Variants in DNAJC1 observed in about 807,000 individuals in gnomAD.
The protein encoded by DNAJC1 is DnaJ heat shock protein family (Hsp40) member C1.
In DNAJC1, 58 loss-of-function variants were observed where a neutral mutation model predicts 76.6. That is an observed-to-expected ratio of 0.76 (90% CI 0.61 to 0.94). The LOEUF is 0.94. Ranked by LOEUF, DNAJC1 falls within the 40% of genes least tolerant of loss-of-function variation. The pLI is 0.00. For missense variants in DNAJC1, 689 were observed against 677.3 expected, an observed-to-expected ratio of 1.02 and a Z score of -0.19; for synonymous variants, 258 against 267.9, an observed-to-expected ratio of 0.96 and a Z score of 0.36.
At chr10:21,762,351 T>C (rs1223825036) in intron 10 of DNAJC1, among the ~76,000 whole-genome samples, 2 of 152,034 alleles carry the variant, frequency 1.3e-5, no homozygotes, top group African/African-American at 4.8e-5. Flanking sequence ...TTAAAAACAA[T>C]GAGATTGAAA....
At chr10:21,875,891 C>T (rs1836180113) in intron 8 of DNAJC1, among the ~76,000 whole-genome samples, 1 of 152,168 alleles carries the variant, frequency 6.6e-6, no homozygotes, top group Admixed American at 6.5e-5. Context: ...TGCTGTTGCA[C>T]TTCAGCCTGG....
intron 1 of DNAJC1, among the ~76,000 whole-genome samples, chr10:21,950,431 T>TG (rs1421075544): frequency 6.6e-6 from 1 of 152,162 alleles, no homozygotes; most frequent in Non-Finnish European, 1.5e-5. Flanking sequence ...GACGACCAGC[T>TG]GTACCCCCAT....
rs141023287 is a variant in DNAJC1 at position 21,785,763 on chromosome 10, A to C, written c.1099-19454T>G. On this transcript the variant is annotated intron_variant, in intron 9 of 11. Transcript: ENST00000376980. The stretch of plus-strand genomic sequence containing the variant: ...CCCAGGTTGAGGGTTAATCTGGAAG[A>C]GAGAAAGTGACAGGAAATGGAAGGC... Among the ~76,000 whole-genome samples, 4 of 152,256 alleles carry C rather than the reference A, an allele frequency of 2.6e-5. No individual in the cohort carries two copies. The East Asian group carries it at 7.7e-4, about 29-fold the overall frequency.
chr10:21,856,110 A>T (rs1411904208), intron 8 of DNAJC1, among the ~76,000 whole-genome samples: 1 of 152,188 alleles, frequency 6.6e-6, no homozygotes, highest in African/African-American at 2.4e-5. Flanking sequence ...AATTTTATAC[A>T]TTCTCCTGAA....
At chr10:21,921,690 C>G (rs980683186) in intron 3 of DNAJC1, among the ~76,000 whole-genome samples, 1 of 151,994 alleles carries the variant, frequency 6.6e-6, no homozygotes, top group African/African-American at 2.4e-5. Context: ...AGAACATTAA[C>G]AAGTAAAAGC....
At chr10:21,779,444 C>T (rs1033230391) in intron 9 of DNAJC1, among the ~76,000 whole-genome samples, 7 of 152,132 alleles carry the variant, frequency 4.6e-5, no homozygotes, top group South Asian at 2.1e-4. Context: ...CTGCAATATC[C>T]GCTGTTCTGC....
At chr10:21,760,917 C>T (rs568647046) in intron 10 of DNAJC1, among the ~76,000 whole-genome samples, 27 of 152,218 alleles carry the variant, frequency 1.8e-4, no homozygotes, top group Middle Eastern at 3.2e-3. Flanking sequence ...GTGGCTCAAG[C>T]GTGTAATTCC....
At chr10:21,965,403 A>G (rs1837875594) in intron 1 of DNAJC1, among the ~76,000 whole-genome samples, 1 of 152,052 alleles carries the variant, frequency 6.6e-6, no homozygotes, top group Non-Finnish European at 1.5e-5. Context: ...AAACCAGGAA[A>G]CTCACATTGA....
chr10:21,818,727 TAAAG>T (rs1379545436), intron 8 of DNAJC1, among the ~76,000 whole-genome samples: 8 of 152,242 alleles, frequency 5.3e-5, no homozygotes, highest in East Asian at 1.9e-4. Flanking sequence ...GGTTCCCCGA[TAAAG>T]AAAGAAATGA....
intron 1 of DNAJC1, among the ~76,000 whole-genome samples, chr10:21,978,568 C>T (rs1838101260): frequency 6.6e-6 from 1 of 152,064 alleles, no homozygotes; most frequent in Non-Finnish European, 1.5e-5. Context: ...TTTTGTCTTC[C>T]AATACTATCA....
At chr10:21,995,949 T>C (rs10082414) in intron 1 of DNAJC1, among the ~76,000 whole-genome samples, 10,184 of 152,266 alleles carry the variant, frequency 0.067, 1,099 homozygotes, top group African/African-American at 0.23. Flanking sequence ...AAATATCAAC[T>C]ATTCAGTTCT....
intron 6 of DNAJC1, among the ~76,000 whole-genome samples, chr10:21,910,263 C>T (rs1368599357): frequency 6.6e-6 from 1 of 151,902 alleles, no homozygotes; most frequent in Non-Finnish European, 1.5e-5. Flanking sequence ...CTACAGGTGC[C>T]TGCCACCACA....
At chr10:21,764,633 TTTATGGC>T (rs1350408806) in intron 10 of DNAJC1, among the ~76,000 whole-genome samples, 1 of 152,220 alleles carries the variant, frequency 6.6e-6, no homozygotes, top group African/African-American at 2.4e-5. Flanking sequence ...GAAGCACAGC[TTTATGGC>T]TTAAATGGAT....
At chr10:21,927,714 T>TGTGC (rs921844212) in intron 3 of DNAJC1, among the ~76,000 whole-genome samples, 1 of 152,228 alleles carries the variant, frequency 6.6e-6, no homozygotes, top group African/African-American at 2.4e-5. Context: ...TGTGTGTGTG[T>TGTGC]GTGCGTATGT....
chr10:21,888,463 T>C (rs1467722597), intron 7 of DNAJC1, among the ~76,000 whole-genome samples: 2 of 152,090 alleles, frequency 1.3e-5, no homozygotes, highest in Non-Finnish European at 2.9e-5. Flanking sequence ...CTATTCACAA[T>C]AGCAAAGACA....
At chr10:21,799,581 G>A (rs1834789649) in intron 9 of DNAJC1, among the ~76,000 whole-genome samples, 1 of 152,112 alleles carries the variant, frequency 6.6e-6, no homozygotes, top group South Asian at 2.1e-4. Context: ...GGGATTACAG[G>A]CATTAGTTGC....
rs187395642 is a variant in DNAJC1 at position 21,986,695 on chromosome 10, T to G, written c.222+16518A>C. On this transcript the variant is annotated intron_variant, in intron 1 of 11. Transcript: ENST00000376980. ...CATTCCTGGGATAAATTCCACTTGA[T>G]CATGGTGTTTAATCCATTTTATATG... 3.7e-3 allele frequency among the ~76,000 whole-genome samples: 568 copies of G among 152,294 alleles called. 2 individuals are homozygous for G. The highest frequency in any genetic ancestry group is 6.0e-3 in the Non-Finnish European group (408 of 68,020).
In DNAJC1 at chr10:21,911,045, AAGGAAGGAAGG is replaced by A. The variant is rs1836851771; in HGVS notation, c.730-6444_730-6434del. 1.7e-3 allele frequency among the ~76,000 whole-genome samples: 15 copies of A among 8,952 alleles called. 1 individual carries two copies. In the South Asian group the frequency reaches 0.093, roughly 55 times the overall value. 5.9% of individuals were successfully genotyped at this position (8,952 alleles called of 152,430 possible). ...AAAGAGAAAGAAAGAGAGAGAAAGG[AAGGAAGGAAGG>A]AAGGAAGGAAGGAAGGAAGGAAGGA... On this transcript the variant is annotated intron_variant, in intron 6 of 11. Transcript: ENST00000376980.
chr10:21,930,879 G>A (rs1219525596), intron 1 of DNAJC1, among the ~76,000 whole-genome samples: 4 of 151,630 alleles, frequency 2.6e-5, no homozygotes, highest in Non-Finnish European at 5.9e-5. Flanking sequence ...TTTTAAATTG[G>A]GACTATATAA....
Sources: allele counts gnomAD v4.1 joint callset (sites outside exome capture counted in the v4.1 genomes callset), GRCh38; gene constraint gnomAD v4.1.1; transcripts MANE v1.5; gene names NCBI Gene and HGNC (gene_info 2026-07-23, HGNC 2026-07-21).